LUZP2: variants seen among roughly 807,000 people sequenced by gnomAD.
LUZP2 encodes the protein leucine zipper protein 2.
In LUZP2, 52 loss-of-function variants were observed where a neutral mutation model predicts 51.6. The ratio of observed to expected loss-of-function variants is 1.01; its 90% confidence interval spans 0.81 to 1.27. The LOEUF (loss-of-function observed/expected upper bound fraction) is 1.27, where lower values mean the gene tolerates loss of function less well. Ranked by LOEUF, LUZP2 falls within the 50% of genes most tolerant of loss-of-function variation. The pLI, the probability that LUZP2 is intolerant of heterozygous loss-of-function variation, is 0.00. For missense variants in LUZP2, 436 were observed against 395.4 expected, an observed-to-expected ratio of 1.10 and a Z score of -0.87; for synonymous variants, 154 against 137.3, an observed-to-expected ratio of 1.12 and a Z score of -0.85.
intron 9 of LUZP2, among the ~76,000 whole-genome samples, chr11:25,037,942 G>T (rs554314916): frequency 6.6e-6 from 1 of 151,966 alleles, no homozygotes; most frequent in Non-Finnish European, 1.5e-5. Flanking sequence ...ATGCCTTGGG[G>T]ATAGTCCACT....
At chr11:24,560,519 G>A (rs934117728) in intron 1 of LUZP2, among the ~76,000 whole-genome samples, 5 of 152,092 alleles carry the variant, frequency 3.3e-5, no homozygotes, top group Admixed American at 6.6e-5. Context: ...GAAAACCTGA[G>A]AGACAAGAAA....
At chr11:25,058,074 A>G (rs1462077582) in intron 10 of LUZP2, among the ~76,000 whole-genome samples, 1 of 151,580 alleles carries the variant, frequency 6.6e-6, no homozygotes, top group Non-Finnish European at 1.5e-5. Flanking sequence ...GAGAGACCAC[A>G]CAGCACTGTC....
intron 5 of LUZP2, among the ~76,000 whole-genome samples, chr11:24,830,594 T>C (rs945527956): frequency 1.3e-5 from 2 of 152,230 alleles, no homozygotes; most frequent in African/African-American, 4.8e-5. Context: ...TTTAGATATA[T>C]TAAATTACTT....
intron 5 of LUZP2, among the ~76,000 whole-genome samples, chr11:24,775,059 C>A (rs957669839): frequency 2.6e-5 from 4 of 151,616 alleles, no homozygotes; most frequent in South Asian, 4.2e-4. Context: ...TTGCTCAAAA[C>A]TACAGTAAAA....
rs573117029 is a variant in LUZP2, at chr11:24,516,975, T to C, written c.62+19670T>C. On this transcript the variant is annotated intron_variant, in intron 1 of 11. Coordinates refer to ENST00000336930, the MANE Select transcript of LUZP2 (RefSeq NM_001009909.4). ...TACAATCTATGTGCCAAGCTCTCTA[T>C]GTGGCTTTATTTCCAGGTTTGATAA... Among the ~76,000 whole-genome samples, 72 of 152,314 alleles carry C rather than the reference T, an allele frequency of 4.7e-4. 1 individual carries two copies. Among genetic ancestry groups the C allele is most frequent in the African/African-American group, 1.7e-3 (69 of 41,576 alleles).
At chr11:24,500,917 A>G (rs1431248951) in intron 1 of LUZP2, among the ~76,000 whole-genome samples, 2 of 152,226 alleles carry the variant, frequency 1.3e-5, no homozygotes, top group African/African-American at 4.8e-5. Context: ...TGTTCCGTGA[A>G]TTAAACTAAC....
intron 1 of LUZP2, 27 bp from the exon 2 acceptor site, chr11:24,729,142 C>A: frequency 8.0e-7 from 1 of 1,254,220 alleles, no homozygotes; most frequent in Non-Finnish European, 1.1e-6. Context: ...ATTTGGGGGG[C>A]TCTCATGCCT....
chr11:24,502,531 C>T (rs567211493), intron 1 of LUZP2, among the ~76,000 whole-genome samples: 7 of 152,110 alleles, frequency 4.6e-5, no homozygotes, highest in African/African-American at 1.4e-4. Flanking sequence ...TTACAGGCGC[C>T]TGCCACCATG....
intron 4 of LUZP2, among the ~76,000 whole-genome samples, chr11:24,742,924 T>G (rs1364726416): frequency 1.3e-5 from 2 of 152,138 alleles, no homozygotes; most frequent in African/African-American, 4.8e-5. Context: ...TAGCCAATTA[T>G]CCCAGCACCA....
chr11:24,586,117 T>C (rs1171173856), intron 1 of LUZP2, among the ~76,000 whole-genome samples: 4 of 152,100 alleles, frequency 2.6e-5, no homozygotes, highest in African/African-American at 4.8e-5. Flanking sequence ...CCACAGAGAA[T>C]TGATGTGAGA....
chr11:25,026,224 T>C (rs1238201033), intron 9 of LUZP2, among the ~76,000 whole-genome samples: 1 of 151,962 alleles, frequency 6.6e-6, no homozygotes, highest in African/African-American at 2.4e-5. Flanking sequence ...CACACCAACA[T>C]GGCACATGTA....
chr11:24,859,422 A>C (rs2134241348), intron 5 of LUZP2, among the ~76,000 whole-genome samples: 1 of 152,324 alleles, frequency 6.6e-6, no homozygotes, highest in Non-Finnish European at 1.5e-5. Context: ...CACAGATGTA[A>C]ATGTAAGACC....
intron 7 of LUZP2, among the ~76,000 whole-genome samples, chr11:24,931,892 A>G (rs1401572864): frequency 2.0e-5 from 3 of 152,148 alleles, no homozygotes; most frequent in Non-Finnish European, 4.4e-5. Context: ...ATACTATATC[A>G]GAGGGAAGAT....
At chr11:24,789,862 C>T (rs569452483) in intron 5 of LUZP2, among the ~76,000 whole-genome samples, 66 of 152,294 alleles carry the variant, frequency 4.3e-4, no homozygotes, top group African/African-American at 1.4e-3. Context: ...AATCATCTTT[C>T]AAGGGCTGCA....
chr11:24,879,703 C>T (rs1420478223), intron 5 of LUZP2, among the ~76,000 whole-genome samples: 1 of 152,102 alleles, frequency 6.6e-6, no homozygotes, highest in Non-Finnish European at 1.5e-5. Context: ...TGTTTGTTGG[C>T]CATTAATATG....
At chr11:24,748,868 G>C (rs72884462) in intron 4 of LUZP2, among the ~76,000 whole-genome samples, 1 of 152,128 alleles carries the variant, frequency 6.6e-6, no homozygotes, top group Non-Finnish European at 1.5e-5. Context: ...GTGATTTTGC[G>C]TGAGGAAAAT....
chr11:24,905,282 T>G (rs1256072529), intron 5 of LUZP2, among the ~76,000 whole-genome samples: 2 of 152,130 alleles, frequency 1.3e-5, no homozygotes, highest in Non-Finnish European at 2.9e-5. Context: ...TCCCAGCACT[T>G]TGTGAGGCCG....
intron 1 of LUZP2, among the ~76,000 whole-genome samples, chr11:24,723,527 T>C (rs2133955411): frequency 6.6e-6 from 1 of 152,256 alleles, no homozygotes; most frequent in South Asian, 2.1e-4. Context: ...CTATGCAGTA[T>C]TAAAAATTAA....
At chr11:25,013,621 A>T (rs577464669) in intron 9 of LUZP2, among the ~76,000 whole-genome samples, 1 of 152,174 alleles carries the variant, frequency 6.6e-6, no homozygotes, top group South Asian at 2.1e-4. Context: ...GAGATAAACT[A>T]TTATTTTAAT....
Sources: allele counts gnomAD v4.1 joint callset (sites outside exome capture counted in the v4.1 genomes callset), GRCh38; gene constraint gnomAD v4.1.1; transcripts MANE v1.5; gene names NCBI Gene and HGNC (gene_info 2026-07-23, HGNC 2026-07-21).